PXYLP1: variants seen among roughly 807,000 people sequenced by gnomAD.
PXYLP1 encodes the protein 2-phosphoxylose phosphatase 1.
Under a neutral mutation model 37.9 loss-of-function variants are expected in PXYLP1, and 17 were observed. The observed-to-expected ratio is 0.45, with a 90% CI of 0.31 to 0.67. PXYLP1 has a LOEUF of 0.67. Among genes scored for constraint, PXYLP1 ranks in the 30% least tolerant of loss-of-function variants. PXYLP1 has a pLI of 0.07. For synonymous variants in PXYLP1, 221 were observed against 232.2 expected, an observed-to-expected ratio of 0.95 and a Z score of 0.44; for missense variants, 511 against 612.0, an observed-to-expected ratio of 0.84 and a Z score of 1.74.
chr3:141,290,095 G>C (rs1186696933), intron 5 of PXYLP1, among the ~76,000 whole-genome samples: 2 of 152,034 alleles, frequency 1.3e-5, no homozygotes, highest in African/African-American at 4.8e-5. Context: ...TTTTGTCCCT[G>C]GTGCACTTAC....
At chr3:141,250,865 T>C (rs1265178584) in intron 1 of PXYLP1, among the ~76,000 whole-genome samples, 1 of 152,256 alleles carries the variant, frequency 6.6e-6, no homozygotes, top group African/African-American at 2.4e-5. Context: ...CTTTGCTTGC[T>C]AGGGTTTTCT....
At chr3:141,238,104 C>G (rs1940703144) in intron 1 of PXYLP1, among the ~76,000 whole-genome samples, 1 of 152,204 alleles carries the variant, frequency 6.6e-6, no homozygotes, top group Admixed American at 6.5e-5. Flanking sequence ...TATCAGAGAC[C>G]CAGTTCTCTG....
intron 1 of PXYLP1, among the ~76,000 whole-genome samples, chr3:141,235,729 C>G (rs1940644690): frequency 6.6e-6 from 1 of 152,246 alleles, no homozygotes; most frequent in Admixed American, 6.5e-5. Context: ...ATTGGAGCCT[C>G]TCAACCTGGA....
At chr3:141,243,042 G>A (rs898896737) in intron 1 of PXYLP1, among the ~76,000 whole-genome samples, 1 of 152,184 alleles carries the variant, frequency 6.6e-6, no homozygotes, top group Non-Finnish European at 1.5e-5. Context: ...GTTAGGTGGT[G>A]GAGTAAAAGG....
intron 5 of PXYLP1, among the ~76,000 whole-genome samples, chr3:141,291,188 C>T (rs1463776895): frequency 1.3e-5 from 2 of 152,138 alleles, no homozygotes; most frequent in Admixed American, 6.5e-5. Flanking sequence ...TGGGACTTTT[C>T]ATACTGTTTG....
intron 1 of PXYLP1, among the ~76,000 whole-genome samples, chr3:141,251,922 T>C (rs1224435948): frequency 3.3e-5 from 5 of 152,186 alleles, no homozygotes; most frequent in Non-Finnish European, 7.3e-5. Flanking sequence ...GCAAAATCAC[T>C]GCTAATACTT....
intron 2 of PXYLP1, among the ~76,000 whole-genome samples, chr3:141,270,669 C>T (rs577525209): frequency 2.2e-4 from 33 of 152,204 alleles, no homozygotes; most frequent in Admixed American, 9.8e-4. Context: ...TATGAGGAGA[C>T]GCTATCTCAG....
Position 141,248,733 on chromosome 3 carries a change from GTGTATATATACACACGTA to G in PXYLP1, c.-53-11388_-53-11371del, listed in dbSNP as rs1481105939. 7.4e-3 allele frequency among the ~76,000 whole-genome samples: 143 copies of G among 19,394 alleles called. 30 individuals are homozygous for G. The highest frequency in any genetic ancestry group is 9.6e-3 in the Non-Finnish European group (109 of 11,326). 12.7% of individuals were successfully genotyped at this position (19,394 alleles called of 152,430 possible). A position where few individuals can be genotyped will look rare whatever the true frequency, so the allele number is the denominator to read the frequency against. ...TATATACACACGTATATACACACAC[GTGTATATATACACACGTA>G]TATATATACACACACGTGTATATAT... is the stretch of plus-strand genomic sequence containing the variant. On this transcript the variant is annotated intron_variant, in intron 1 of 5. Coordinates refer to ENST00000286353, the MANE Select transcript of PXYLP1 (RefSeq NM_001037172.3).
rs1422242148 is a variant in PXYLP1 at position 141,248,778 on chromosome 3, CACACGTATATATAT to C, written c.-53-11340_-53-11327del. Among the ~76,000 whole-genome samples the C allele has an allele frequency of 4.0e-5, 2 of 50,450 alleles. 1 individual carries two copies. Among genetic ancestry groups the C allele is most frequent in the Non-Finnish European group, 8.7e-5 (2 of 22,858 alleles). 33.1% of individuals were successfully genotyped at this position (50,450 alleles called of 152,430 possible). ...ATATATACACACACGTGTATATATA[CACACGTATATATAT>C]ACACACACGTGTATATATACACACG... is the stretch of plus-strand genomic sequence containing the variant. On this transcript the variant is annotated intron_variant, in intron 1 of 5. Coordinates refer to ENST00000286353, the MANE Select transcript of PXYLP1 (RefSeq NM_001037172.3).
At chr3:141,279,530 A>G (rs1360322072) in intron 4 of PXYLP1, 26 bp downstream of exon 4, 4 of 1,613,840 alleles carry the variant, frequency 2.5e-6, no homozygotes, top group Non-Finnish European at 3.4e-6. Context: ...TCTAAAAGTC[A>G]TTTTCAAGTG....
intron 4 of PXYLP1, among the ~76,000 whole-genome samples, chr3:141,280,860 A>C (rs1181213824): frequency 6.6e-6 from 1 of 152,240 alleles, no homozygotes; most frequent in Admixed American, 6.5e-5. Context: ...GGCAGGGTGC[A>C]GTGAGCTGAA....
At chr3:141,238,917 GAGA>G (rs1940723666) in intron 1 of PXYLP1, among the ~76,000 whole-genome samples, 1 of 152,142 alleles carries the variant, frequency 6.6e-6, no homozygotes, top group Non-Finnish European at 1.5e-5. Context: ...TGAGTAGGCT[GAGA>G]AGGAGGAAGA....
intron 2 of PXYLP1, chr3:141,274,657 C>T (rs1048486915): frequency 3.1e-5 from 22 of 720,138 alleles, no homozygotes; most frequent in South Asian, 8.8e-5. Context: ...TGTCAGTCAG[C>T]GGGGGATATA....
At chr3:141,235,344 A>G (rs1038015686) in intron 1 of PXYLP1, 1 of 152,348 alleles carries the variant, frequency 6.6e-6, no homozygotes, top group Non-Finnish European at 1.5e-5. Context: ...GGCTTGAGCA[A>G]GATTGGTCTG....
At chr3:141,274,411 T>C in intron 2 of PXYLP1, 1 of 1,456,652 alleles carries the variant, frequency 6.9e-7, no homozygotes, top group Non-Finnish European at 9.0e-7. Flanking sequence ...CATGTTTGGC[T>C]GTGTTTCACG....
intron 2 of PXYLP1, among the ~76,000 whole-genome samples, chr3:141,271,656 A>C (rs1161071497): frequency 6.6e-6 from 1 of 152,120 alleles, no homozygotes; most frequent in Non-Finnish European, 1.5e-5. Context: ...GTGTAATCAG[A>C]AGAAGGCTGA....
At position 141,261,299 on chromosome 3, in the gene PXYLP1, G is replaced by A. The variant is rs369735703; in HGVS notation, c.79+1045G>A. 4.8e-4 allele frequency among the ~76,000 whole-genome samples: 73 copies of A among 152,208 alleles called. 1 individual carries two copies. The highest frequency in any genetic ancestry group is 1.7e-3 in the South Asian group (8 of 4,820). ...TTCCTGGATAGCTAGGACTGGAGGC[G>A]TGCACCACCACACCTAGCTAATTTT... On this transcript the variant is annotated intron_variant, in intron 2 of 5. Transcript: ENST00000286353.
At chr3:141,265,297 C>G (rs1462849800) in intron 2 of PXYLP1, among the ~76,000 whole-genome samples, 1 of 149,370 alleles carries the variant, frequency 6.7e-6, no homozygotes, top group Non-Finnish European at 1.5e-5. Context: ...GCACCTTCAT[C>G]AGAATAACCT....
intron 1 of PXYLP1, among the ~76,000 whole-genome samples, chr3:141,240,111 C>T (rs1940759296): frequency 6.6e-6 from 1 of 152,212 alleles, no homozygotes. Context: ...CAGCAGCTGA[C>T]ATCTGTCTGT....
Sources: allele counts gnomAD v4.1 joint callset (sites outside exome capture counted in the v4.1 genomes callset), GRCh38; gene constraint gnomAD v4.1.1; transcripts MANE v1.5; gene names NCBI Gene and HGNC (gene_info 2026-07-23, HGNC 2026-07-21).